Variants in TOGARAM1 observed in about 807,000 individuals in gnomAD.
The protein encoded by TOGARAM1 is TOG array regulator of axonemal microtubules protein 1.
Under a neutral mutation model 166.6 loss-of-function variants are expected in TOGARAM1, and 100 were observed. That is an observed-to-expected ratio of 0.60 (90% CI 0.51 to 0.71). The LOEUF is 0.71. Ranked by LOEUF, TOGARAM1 falls within the 30% of genes least tolerant of loss-of-function variation. The probability of loss-of-function intolerance (pLI) is 0.00; values close to 1 mark genes in which losing one functional copy is unlikely to be tolerated. For synonymous variants in TOGARAM1, 758 were observed against 763.8 expected, an observed-to-expected ratio of 0.99 and a Z score of 0.13; for missense variants, 2,029 against 2,102.7, an observed-to-expected ratio of 0.96 and a Z score of 0.69.
intron 1 of TOGARAM1, among the ~76,000 whole-genome samples, chr14:44,982,793 G>A (rs1886601409): frequency 6.6e-6 from 1 of 152,176 alleles, no homozygotes; most frequent in South Asian, 2.1e-4. Flanking sequence ...GCCTCATTTA[G>A]TATTTAGCAC....
At chr14:45,048,250 G>A (rs1882178475) in intron 14 of TOGARAM1, among the ~76,000 whole-genome samples, 1 of 148,158 alleles carries the variant, frequency 6.7e-6, no homozygotes, top group African/African-American at 2.5e-5. Flanking sequence ...TACTCGGGAG[G>A]CTGAGGCAGG....
At chr14:44,976,641 A>C (rs890719817) in intron 1 of TOGARAM1, among the ~76,000 whole-genome samples, 5 of 148,850 alleles carry the variant, frequency 3.4e-5, no homozygotes, top group African/African-American at 1.0e-4. Context: ...CCTTTAAAAA[A>C]AAACTCTTAA....
intron 11 of TOGARAM1, among the ~76,000 whole-genome samples, chr14:45,033,450 AAAACGGTATCT>A: frequency 6.6e-6 from 1 of 152,158 alleles, no homozygotes; most frequent in Non-Finnish European, 1.5e-5. Flanking sequence ...AAGCAGCCTT[AAAACGGTATCT>A]AAACAAATGG....
chr14:44,981,985 G>A (rs1886563642), intron 1 of TOGARAM1, among the ~76,000 whole-genome samples: 1 of 151,884 alleles, frequency 6.6e-6, no homozygotes, highest in Non-Finnish European at 1.5e-5. Context: ...TGGGATTACA[G>A]GGGCACGCCA....
At position 45,004,068 on chromosome 14, in the gene TOGARAM1, T is replaced by C. The variant is rs201712116; in HGVS notation, c.2346T>C (p.Ala782=). 2 of 1,613,778 alleles carry C rather than the reference T, an allele frequency of 1.2e-6. No homozygotes were observed. Among genetic ancestry groups the C allele is most frequent in the Non-Finnish European group, 1.7e-6 (2 of 1,179,818 alleles). Residue 782 remains alanine, a synonymous_variant, in exon 4 of 20, where the codon GCT becomes GCC. Coordinates refer to ENST00000361462, the MANE Select transcript of TOGARAM1 (RefSeq NM_001308120.2). ...TTSSHQEKVY[A]SLNFGSKTQQ... ...TCTTTTGTTTTATTACAGTGTATGC[T>C]AGCCTCAATTTTGGCAGTAAGACAC...
intron 5 of TOGARAM1, among the ~76,000 whole-genome samples, 159 bp from the exon 6 acceptor site, chr14:45,008,754 A>G (rs1400313848): frequency 6.6e-6 from 1 of 152,220 alleles, no homozygotes; most frequent in African/African-American, 2.4e-5. Context: ...AAATCTGTGT[A>G]TTGATACTAT....
intron 1 of TOGARAM1, among the ~76,000 whole-genome samples, chr14:44,976,249 C>G (rs1886185796): frequency 6.6e-6 from 1 of 152,172 alleles, no homozygotes; most frequent in Non-Finnish European, 1.5e-5. Flanking sequence ...TTATTCGTTG[C>G]CTATCTACAT....
intron 16 of TOGARAM1, among the ~76,000 whole-genome samples, chr14:45,059,258 G>A (rs986494728): frequency 6.6e-6 from 1 of 152,022 alleles, no homozygotes; most frequent in Non-Finnish European, 1.5e-5. Flanking sequence ...GCCCAGGATG[G>A]ACTCAAACTC....
chr14:45,034,106 G>A (rs767082788), intron 11 of TOGARAM1, among the ~76,000 whole-genome samples: 12 of 152,132 alleles, frequency 7.9e-5, no homozygotes, highest in Admixed American at 3.3e-4. Context: ...GCAGTGAACC[G>A]AGATCATGTC....
At chr14:45,031,957 C>T (rs1566649327) in intron 10 of TOGARAM1, among the ~76,000 whole-genome samples, 1 of 152,074 alleles carries the variant, frequency 6.6e-6, no homozygotes, top group African/African-American at 2.4e-5. Flanking sequence ...GTCAGAAGTT[C>T]AAGACCAGCT....
chr14:45,065,504 T>C (rs1883098728), intron 16 of TOGARAM1, among the ~76,000 whole-genome samples: 1 of 152,256 alleles, frequency 6.6e-6, no homozygotes, highest in African/African-American at 2.4e-5. Context: ...CTGGGCTGCA[T>C]GCGACCTGCA....
chr14:45,008,575 C>T (rs1879599522), intron 5 of TOGARAM1, among the ~76,000 whole-genome samples: 1 of 152,182 alleles, frequency 6.6e-6, no homozygotes, highest in Admixed American at 6.5e-5. Context: ...GACATCAACT[C>T]TGATATCTAC....
chr14:45,040,876 TAAAAATAC>T (rs1489504769), intron 11 of TOGARAM1, among the ~76,000 whole-genome samples: 2 of 151,308 alleles, frequency 1.3e-5, no homozygotes, highest in Non-Finnish European at 2.9e-5. Flanking sequence ...CCATCTCTAC[TAAAAATAC>T]AAAAATTGGC....
At chr14:45,047,605 T>C (rs1423704491) in intron 14 of TOGARAM1, among the ~76,000 whole-genome samples, 1 of 152,112 alleles carries the variant, frequency 6.6e-6, no homozygotes, top group Non-Finnish European at 1.5e-5. Context: ...AAATTTTCAA[T>C]GTAGTCAGAT....
chr14:44,963,165 G>A lies in TOGARAM1; in HGVS notation c.744G>A (p.Leu248=), dbSNP rs376358743. 621 of 1,614,082 alleles carry A rather than the reference G, an allele frequency of 3.8e-4. 5 individuals carry two copies. The highest frequency in any genetic ancestry group is 4.7e-5 in the Non-Finnish European group (56 of 1,180,048). ...LPILLTTEDL[L]LGLDLTEVII... ...TCTTGCTTACTACTGAGGACTTGTT[G>A]CTTGGTCTGGATCTCACCGAGGTGA... The change falls in exon 1 of 20, where the codon TTG becomes TTA. Residue 248 remains leucine, a synonymous_variant. Coordinates refer to ENST00000361462, the MANE Select transcript of TOGARAM1 (RefSeq NM_001308120.2).
chr14:45,033,238 G>C (rs1020849941), intron 11 of TOGARAM1, among the ~76,000 whole-genome samples: 1 of 144,110 alleles, frequency 6.9e-6, no homozygotes. Context: ...GGGCAACAGA[G>C]TGAAACTCTG....
chr14:45,067,583 A>C (rs918420708), intron 17 of TOGARAM1, among the ~76,000 whole-genome samples: 8 of 152,058 alleles, frequency 5.3e-5, no homozygotes, highest in Non-Finnish European at 8.8e-5. Context: ...AATTTGTGTA[A>C]TGTGCATTAT....
chr14:45,072,045 G>T (rs1883408832), intron 19 of TOGARAM1, among the ~76,000 whole-genome samples: 1 of 152,120 alleles, frequency 6.6e-6, no homozygotes, highest in African/African-American at 2.4e-5. Context: ...TGCAGTGCAG[G>T]TTCAGCCAGT....
intron 3 of TOGARAM1, among the ~76,000 whole-genome samples, chr14:45,002,419 G>A (rs1887729837): frequency 6.6e-6 from 1 of 152,148 alleles, no homozygotes; most frequent in Non-Finnish European, 1.5e-5. Flanking sequence ...TATTAGAGAA[G>A]CTGGTATAAA....
Sources: allele counts gnomAD v4.1 joint callset (sites outside exome capture counted in the v4.1 genomes callset), GRCh38; gene constraint gnomAD v4.1.1; transcripts MANE v1.5; gene names NCBI Gene and HGNC (gene_info 2026-07-23, HGNC 2026-07-21).